Variants in PKNOX1 observed in about 807,000 individuals in gnomAD.
PKNOX1 encodes homeobox protein PKNOX1.
In PKNOX1, 15 loss-of-function variants were observed where a neutral mutation model predicts 51.9. The observed-to-expected ratio is 0.29, with a 90% confidence interval of 0.19 to 0.45. The LOEUF (loss-of-function observed/expected upper bound fraction) is 0.45. Ranked by LOEUF, PKNOX1 falls within the 20% of genes least tolerant of loss-of-function variation. The pLI is 1.00. For missense variants in PKNOX1, 462 were observed against 547.5 expected (o/e 0.84, Z 1.56); for synonymous variants, 219 against 211.1 (o/e 1.04, Z -0.32).
At chr21:43,028,628 A>C in intron 9 of PKNOX1, 74 bp from the exon 10 acceptor site, 1 of 1,377,144 alleles carries the variant, frequency 7.3e-7, no homozygotes, top group East Asian at 2.3e-5. Flanking sequence ...CGTGTTTGTT[A>C]GAAGGATTTG....
intron 10 of PKNOX1, among the ~76,000 whole-genome samples, chr21:43,029,387 G>A (rs1980128476): frequency 7.0e-6 from 1 of 143,232 alleles, no homozygotes; most frequent in Admixed American, 7.1e-5. Context: ...ATGGTTTTGT[G>A]TGCATGTGTT....
chr21:43,027,992 C>G (rs974606138), intron 9 of PKNOX1, among the ~76,000 whole-genome samples: 2 of 152,232 alleles, frequency 1.3e-5, no homozygotes, highest in African/African-American at 4.8e-5. Context: ...GGAGTCTTAT[C>G]ACAGGCGTGA....
rs189945694 is a variant in PKNOX1, at chr21:42,977,616, C to T, written c.-57+2952C>T. 1.5e-4 allele frequency among the ~76,000 whole-genome samples: 21 copies of T among 141,022 alleles called. No homozygotes were observed. The East Asian group carries it at 4.3e-3, about 29-fold the overall frequency. 92.5% of individuals were successfully genotyped at this position (141,022 alleles called of 152,430 possible). ...AAGCTGGAGAGCAATGGCGTGATCT[C>T]GGCTCACTGCAACCTCCACCTCCCG... On this transcript the variant is annotated intron_variant, in intron 1 of 10. Transcript: ENST00000291547.
In PKNOX1 at chr21:43,024,884, C is replaced by G; in HGVS notation, c.863C>G (p.Thr288Arg). ...LFQHIGHPYP[T>R]EDEKKQIAAQ... ...TTTTATTTTCAGCATCCCTACCCAA[C>G]AGAGGATGAGAAAAAACAGATTGCT... The change falls in exon 9 of 11, where the codon ACA becomes AGA. Residue 288 changes from threonine (T) to arginine (R), a missense_variant. Around this residue, in one of 5 missense-constraint regions of PKNOX1, gnomAD observed 75 missense variants for 129.8 expected, o/e 0.58. Transcript: ENST00000291547. The G allele has an allele frequency of 6.2e-7, 1 of 1,609,312 alleles. No homozygotes were observed. Among genetic ancestry groups the G allele is most frequent in the South Asian group, 1.1e-5 (1 of 90,934 alleles).
intron 1 of PKNOX1, among the ~76,000 whole-genome samples, chr21:42,980,455 C>T (rs1319361675): frequency 6.6e-6 from 1 of 152,160 alleles, no homozygotes; most frequent in Non-Finnish European, 1.5e-5. Flanking sequence ...CTATTTGCGG[C>T]TTACACTTTT....
intron 3 of PKNOX1, 114 bp from the exon 4 acceptor site, chr21:43,009,939 C>T (rs560513248): frequency 3.4e-5 from 19 of 551,100 alleles, no homozygotes; most frequent in South Asian, 3.3e-4. Context: ...GACCGTGTGG[C>T]GTGTGCATTT....
chr21:43,029,887 C>T lies in PKNOX1; in HGVS notation c.1100-3C>T, dbSNP rs1601307862. 1 of 1,610,722 alleles carries T rather than the reference C, an allele frequency of 6.2e-7. No homozygotes were observed. Among genetic ancestry groups the T allele is most frequent in the Non-Finnish European group, 8.5e-7 (1 of 1,177,132 alleles). On this transcript the variant is annotated splice_region_variant and splice_polypyrimidine_tract_variant and intron_variant, in intron 10 of 10. Transcript: ENST00000291547. ...ATAATGACACACCTTCATCCTGCCG[C>T]AGGAGCTGTTGTCACCATCACCACG...
chr21:42,992,625 C>T (rs442981), intron 1 of PKNOX1, among the ~76,000 whole-genome samples: 135,953 of 152,126 alleles, frequency 0.89, 60,894 homozygotes, highest in Non-Finnish European at 0.91. Flanking sequence ...TTCTGAAATC[C>T]GTCAGCTGGA....
intron 1 of PKNOX1, 30 bp downstream of exon 1, chr21:42,974,694 G>A: frequency 6.0e-6 from 1 of 166,428 alleles, no homozygotes; most frequent in Non-Finnish European, 1.2e-5. Context: ...CTCCGCCGCC[G>A]CCGCCGCCGC....
chr21:43,016,199 C>T (rs1213589707), intron 5 of PKNOX1, among the ~76,000 whole-genome samples: 1 of 152,192 alleles, frequency 6.6e-6, no homozygotes, highest in Non-Finnish European at 1.5e-5. Flanking sequence ...ACTGGAGGCT[C>T]CTCTCCCCTG....
At chr21:43,029,199 G>T (rs935985763) in intron 10 of PKNOX1, among the ~76,000 whole-genome samples, 4 of 152,086 alleles carry the variant, frequency 2.6e-5, no homozygotes, top group Admixed American at 2.0e-4. Context: ...CCGACGCCGG[G>T]TGTGGAGGAG....
chr21:42,984,383 T>C (rs1029509840), intron 1 of PKNOX1, among the ~76,000 whole-genome samples: 1 of 152,160 alleles, frequency 6.6e-6, no homozygotes, highest in African/African-American at 2.4e-5. Context: ...GTGAGTCCAG[T>C]TTTTTTCTTT....
At chr21:43,014,744 C>T (rs773909583) in intron 5 of PKNOX1, among the ~76,000 whole-genome samples, 13 of 152,194 alleles carry the variant, frequency 8.5e-5, no homozygotes, top group Non-Finnish European at 1.6e-4. Context: ...CATTTAAATC[C>T]GTGATCCATT....
Position 42,997,901 on chromosome 21 carries a change from G to A in PKNOX1, c.-56-6425G>A, listed in dbSNP as rs1337664561. Among the ~76,000 whole-genome samples, 6 of 152,154 alleles carry A rather than the reference G, an allele frequency of 3.9e-5. No individual in the cohort carries two copies. In the East Asian group the frequency reaches 7.7e-4, roughly 20 times the overall value. ...GGTTTGTTTATACAACTTGGAGTGC[G>A]GAAGGGGGTCAGTAAGGGGATGCTG... On this transcript the variant is annotated intron_variant, in intron 1 of 10. Transcript: ENST00000291547.
In PKNOX1 at chr21:43,018,474, CCACACACACA is replaced by C. The variant is rs555017462; in HGVS notation, c.720+285_720+294del. Among the ~76,000 whole-genome samples, 23 of 14,438 alleles carry C rather than the reference CCACACACACA, an allele frequency of 1.6e-3. 10 individuals are homozygous for C. Among genetic ancestry groups the C allele is most frequent in the African/African-American group, 7.7e-3 (23 of 2,970 alleles). The allele number at this position is 14,438 out of a possible 152,430, so 9.5% of individuals were successfully genotyped here. A position where few individuals can be genotyped will look rare whatever the true frequency, so the allele number is the denominator to read the frequency against. ...GTCACTCATAACCACCCCCTGCCAC[CCACACACACA>C]CACACACACACACACACACACACAC... On this transcript the variant is annotated intron_variant, in intron 7 of 10. Transcript: ENST00000291547.
Position 42,981,980 on chromosome 21 carries a change from C to T in PKNOX1, c.-57+7316C>T, listed in dbSNP as rs75790471. 8.5e-3 allele frequency among the ~76,000 whole-genome samples: 1,299 copies of T among 152,276 alleles called. 39 individuals carry two copies. In the East Asian group the frequency reaches 0.097, roughly 11 times the overall value. ...TTCTGCACCAGGGCTCTTGGCCTTC[C>T]GCTTCAATTAGGTGGTTGCCCTCCA... is the stretch of plus-strand genomic sequence containing the variant. On this transcript the variant is annotated intron_variant, in intron 1 of 10. Coordinates refer to ENST00000291547, the MANE Select transcript of PKNOX1 (RefSeq NM_004571.5).
At chr21:42,975,051 G>C (rs2058985444) in intron 1 of PKNOX1, among the ~76,000 whole-genome samples, 1 of 144,652 alleles carries the variant, frequency 6.9e-6, no homozygotes, top group South Asian at 2.1e-4. Context: ...CCGGCGCGGG[G>C]CGGGGGCGCG....
chr21:43,001,575 C>T (rs889991730), intron 1 of PKNOX1, among the ~76,000 whole-genome samples: 1 of 152,160 alleles, frequency 6.6e-6, no homozygotes. Flanking sequence ...CTCCTGTCTC[C>T]CTGAGCTCCA....
At chr21:42,999,031 G>C (rs189171740) in intron 1 of PKNOX1, among the ~76,000 whole-genome samples, 1 of 152,336 alleles carries the variant, frequency 6.6e-6, no homozygotes, top group East Asian at 1.9e-4. Flanking sequence ...GGTTCTCCAT[G>C]AGAGCCCCGC....
Sources: gnomAD v4.1 joint callset for allele counts (sites outside exome capture counted in the v4.1 genomes callset) on GRCh38, gnomAD v4.1.1 for gene constraint, gnomAD v4.1.1 regional missense constraint, MANE v1.5 for transcripts, NCBI Gene and HGNC (gene_info 2026-07-23, HGNC 2026-07-21) for gene names.